The following COL4A2 variants were observed in gnomAD, a reference collection of about 807,000 sequenced individuals.
COL4A2 encodes the protein collagen alpha-2(IV) chain.
COL4A2 carries 99 observed loss-of-function variants against 200.2 expected under a neutral mutation model. The ratio of observed to expected loss-of-function variants is 0.49; its 90% CI spans 0.42 to 0.58. COL4A2 has a LOEUF of 0.58. Ranked by LOEUF, COL4A2 falls within the 20% of genes least tolerant of loss-of-function variation. The pLI is 0.00. For missense variants in COL4A2, 1,950 were observed against 2,314.1 expected, an observed-to-expected ratio of 0.84 and a Z score of 3.23; for synonymous variants, 897 against 900.6, an observed-to-expected ratio of 1.00 and a Z score of 0.07.
intron 3 of COL4A2, among the ~76,000 whole-genome samples, chr13:110,336,749 A>T (rs1876209618): frequency 1.3e-5 from 2 of 152,176 alleles, no homozygotes; most frequent in Non-Finnish European, 2.9e-5. Flanking sequence ...AACATATTAT[A>T]TACAGAGCCT....
Position 110,402,829 on chromosome 13 carries a change from G to C in COL4A2, c.181-21905G>C, listed in dbSNP as rs561483692. 2.2e-3 allele frequency among the ~76,000 whole-genome samples: 329 copies of C among 149,976 alleles called. 1 individual carries two copies. The highest frequency in any genetic ancestry group is 3.5e-3 in the Non-Finnish European group (235 of 67,022). On this transcript the variant is annotated intron_variant, in intron 4 of 47. Transcript: ENST00000360467. ...TTCTCCAGGGCATCCCTTGGAAGCT[G>C]GGTGGAGGTGGCCACATTCTCACAG...
In COL4A2 at chr13:110,327,140, C is replaced by G. The variant is rs1885438268; in HGVS notation, c.99+19017C>G. 2.0e-5 allele frequency among the ~76,000 whole-genome samples: 3 copies of G among 152,156 alleles called. No individual in the cohort carries two copies. The South Asian group carries it at 6.2e-4, about 32-fold the overall frequency. On this transcript the variant is annotated intron_variant, in intron 3 of 47. Transcript: ENST00000360467. ...CACACACACCCCTCCTGCTCCAACT[C>G]TAAGGTGCTAACCCAGGCTGGCCTG... is the stretch of plus-strand genomic sequence containing the variant.
intron 43 of COL4A2, 33 bp from the exon 44 acceptor site, chr13:110,503,814 G>A (rs374958600): frequency 1.9e-6 from 3 of 1,613,556 alleles, no homozygotes; most frequent in Non-Finnish European, 1.7e-6. Context: ...ACGACCTTGT[G>A]TGTTTACTGG....
At chr13:110,386,940 C>T (rs1475738044) in intron 4 of COL4A2, among the ~76,000 whole-genome samples, 1 of 152,156 alleles carries the variant, frequency 6.6e-6, no homozygotes, top group Non-Finnish European at 1.5e-5. Context: ...AGAAAACTCA[C>T]TTAAATGGAG....
chr13:110,417,090 T>C (rs6492267), intron 4 of COL4A2, among the ~76,000 whole-genome samples: 37,176 of 152,020 alleles, frequency 0.24, 4,706 homozygotes, highest in Non-Finnish European at 0.27. Context: ...ACGCCATTCT[T>C]CTGCCTCAAC....
At chr13:110,394,431 A>G (rs1011535371) in intron 4 of COL4A2, among the ~76,000 whole-genome samples, 2 of 152,224 alleles carry the variant, frequency 1.3e-5, no homozygotes, top group Non-Finnish European at 2.9e-5. Context: ...AGAGAGAGGA[A>G]CGTTGACTTC....
intron 4 of COL4A2, among the ~76,000 whole-genome samples, chr13:110,414,646 T>G (rs559564009): frequency 2.0e-5 from 3 of 152,232 alleles, no homozygotes; most frequent in Non-Finnish European, 4.4e-5. Context: ...CAACATCTTA[T>G]GAAGCCTTTG....
intron 3 of COL4A2, among the ~76,000 whole-genome samples, chr13:110,350,096 A>G (rs2139380068): frequency 6.6e-6 from 1 of 152,340 alleles, no homozygotes; most frequent in East Asian, 1.9e-4. Context: ...TAATGATGCC[A>G]AGATTTAAAT....
At chr13:110,392,407 A>G (rs1420486376) in intron 4 of COL4A2, among the ~76,000 whole-genome samples, 2 of 152,232 alleles carry the variant, frequency 1.3e-5, no homozygotes, top group African/African-American at 4.8e-5. Context: ...GGAGGAAGCC[A>G]GGACAGAATA....
chr13:110,315,106 C>T (rs964721958), intron 3 of COL4A2, among the ~76,000 whole-genome samples: 1 of 152,250 alleles, frequency 6.6e-6, no homozygotes, highest in Non-Finnish European at 1.5e-5. Flanking sequence ...CTCTGCCCGG[C>T]CCCTGCCAGT....
chr13:110,403,997 G>A (rs1274323122), intron 4 of COL4A2, among the ~76,000 whole-genome samples: 2 of 152,114 alleles, frequency 1.3e-5, no homozygotes, highest in African/African-American at 4.8e-5. Flanking sequence ...GGGACAACAG[G>A]CTCCCCTGGG....
At chr13:110,491,614 G>A (rs903658029) in intron 37 of COL4A2, among the ~76,000 whole-genome samples, 2 of 152,188 alleles carry the variant, frequency 1.3e-5, no homozygotes, top group Non-Finnish European at 2.9e-5. Flanking sequence ...GAAGCCGACG[G>A]TTTGTAAGGG....
intron 4 of COL4A2, among the ~76,000 whole-genome samples, chr13:110,413,533 C>T (rs774769577): frequency 2.0e-5 from 3 of 152,182 alleles, no homozygotes; most frequent in Non-Finnish European, 4.4e-5. Flanking sequence ...GCAGCGAGGG[C>T]TGCGTGTGCC....
At chr13:110,319,738 G>C (rs1038146050) in intron 3 of COL4A2, among the ~76,000 whole-genome samples, 1 of 152,216 alleles carries the variant, frequency 6.6e-6, no homozygotes, top group Admixed American at 6.5e-5. Context: ...TCAAGACCAA[G>C]TAGGGACCTG....
At chr13:110,377,676 T>C (rs1486225382) in intron 4 of COL4A2, among the ~76,000 whole-genome samples, 7 of 152,234 alleles carry the variant, frequency 4.6e-5, no homozygotes, top group African/African-American at 1.7e-4. Context: ...CGCCTTCATA[T>C]TTTTGGCTTT....
intron 10 of COL4A2, chr13:110,430,842 A>C (rs1275720019): frequency 2.6e-6 from 2 of 755,190 alleles, no homozygotes; most frequent in African/African-American, 1.7e-5. Context: ...GTTATGTCAA[A>C]TTTTGACTTG....
chr13:110,493,081 GGGTGAAATAA>G, intron 38 of COL4A2, 120 bp from the exon 39 acceptor site: 6 of 222,400 alleles, frequency 2.7e-5, no homozygotes, highest in South Asian at 1.6e-4. Flanking sequence ...ACACCCCCAT[GGGTGAAATAA>G]CGATGAGTGA....
chr13:110,503,955 C>A lies in COL4A2; in HGVS notation c.4247C>A (p.Pro1416Gln). The A allele has an allele frequency of 1.3e-6, 2 of 1,571,658 alleles. No individual in the cohort carries two copies. Among genetic ancestry groups the A allele is most frequent in the Admixed American group, 1.9e-5 (1 of 51,766 alleles). Residue 1416 changes from proline (P) to glutamine (Q), a missense_variant, in exon 44 of 48, where the codon CCG becomes CAG. By Grantham distance (76) the Pro-to-Gln change is moderately conservative. Coordinates refer to ENST00000360467, the MANE Select transcript of COL4A2 (RefSeq NM_001846.4). ...GGGAGGCGAGGCCCCCCTGGGGCAC[C>A]GGGGGAGATGGGGCCCCAGGGCCCC... The part of the protein sequence containing the change: ...PQGRRGPPGA[P>Q]GEMGPQGPPG...
chr13:110,398,828 C>CCAT (rs751563939), intron 4 of COL4A2, among the ~76,000 whole-genome samples: 7 of 152,068 alleles, frequency 4.6e-5, no homozygotes, highest in Non-Finnish European at 1.0e-4. Context: ...ATCATCTAGT[C>CCAT]CATCAACCAA....
Sources: gnomAD v4.1 joint callset for allele counts (sites outside exome capture counted in the v4.1 genomes callset) on GRCh38, gnomAD v4.1.1 for gene constraint, MANE v1.5 for transcripts, NCBI Gene and HGNC (gene_info 2026-07-23, HGNC 2026-07-21) for gene names.